Variants in DAB1 observed in about 807,000 individuals in gnomAD.
DAB1 encodes disabled homolog 1.
In DAB1, 15 loss-of-function variants were observed where a neutral mutation model predicts 64.6. That is an observed-to-expected ratio of 0.23 (90% CI 0.16 to 0.36). The LOEUF (loss-of-function observed/expected upper bound fraction) is 0.36, where lower values mean the gene tolerates loss of function less well. DAB1 is among the 10% of genes least tolerant of loss of function. The probability of loss-of-function intolerance (pLI) is 1.00; values close to 1 mark genes in which losing one functional copy is unlikely to be tolerated. For synonymous variants in DAB1, 235 were observed against 251.9 expected (o/e 0.93, Z 0.64); for missense variants, 596 against 706.7 (o/e 0.84, Z 1.78).
At chr1:57,470,875 T>C (rs1230823495) in intron 7 of DAB1, among the ~76,000 whole-genome samples, 2 of 152,158 alleles carry the variant, frequency 1.3e-5, no homozygotes, top group Non-Finnish European at 2.9e-5. Context: ...ACAAGGCAAA[T>C]TGTAGCTCAC....
At chr1:57,214,059 T>C (rs752326930) in intron 2 of DAB1, among the ~76,000 whole-genome samples, 4 of 152,168 alleles carry the variant, frequency 2.6e-5, no homozygotes, top group Non-Finnish European at 5.9e-5. Flanking sequence ...TCTTAGTCCT[T>C]TTTGTGCTGC....
At chr1:58,040,226 G>A (rs1005013509) in intron 5 of DAB1, among the ~76,000 whole-genome samples, 3 of 152,168 alleles carry the variant, frequency 2.0e-5, no homozygotes, top group Admixed American at 6.5e-5. Context: ...TGTCAGGAAA[G>A]CAAAAGTTAA....
At chr1:57,125,506 A>G (rs867680485) in intron 4 of DAB1, among the ~76,000 whole-genome samples, 1 of 152,196 alleles carries the variant, frequency 6.6e-6, no homozygotes. Flanking sequence ...TCTGAAAAAA[A>G]TACATATGGC....
intron 2 of DAB1, among the ~76,000 whole-genome samples, chr1:57,221,176 T>G (rs1666835953): frequency 6.7e-6 from 1 of 149,780 alleles, no homozygotes; most frequent in South Asian, 2.1e-4. Flanking sequence ...CTGTTCTCAC[T>G]CATAGGTGGG....
intron 4 of DAB1, among the ~76,000 whole-genome samples, chr1:57,121,760 T>C (rs758872550): frequency 2.0e-5 from 3 of 151,992 alleles, no homozygotes; most frequent in Non-Finnish European, 4.4e-5. Context: ...GGGGTCCAGT[T>C]TCAGTTTTCT....
intron 4 of DAB1, chr1:58,228,757 C>T: frequency 1.1e-6 from 1 of 930,728 alleles, no homozygotes; most frequent in Non-Finnish European, 1.7e-6. Flanking sequence ...ACGTTGATGG[C>T]ATAGGTGGTT....
intron 5 of DAB1, among the ~76,000 whole-genome samples, chr1:58,142,311 G>A (rs1654332777): frequency 6.6e-6 from 1 of 152,226 alleles, no homozygotes; most frequent in African/African-American, 2.4e-5. Context: ...TGGTGTTTCA[G>A]AAACAGTTTT....
intron 4 of DAB1, among the ~76,000 whole-genome samples, chr1:58,233,117 T>C (rs1030803711): frequency 3.9e-5 from 6 of 152,198 alleles, no homozygotes; most frequent in Non-Finnish European, 5.9e-5. Flanking sequence ...CTTATATGCT[T>C]GCTCTTTAAT....
At chr1:57,400,521 G>T (rs1159632944) in intron 1 of DAB1, among the ~76,000 whole-genome samples, 1 of 150,192 alleles carries the variant, frequency 6.7e-6, no homozygotes, top group Non-Finnish European at 1.5e-5. Flanking sequence ...TATGAGGCAA[G>T]ATTATTCAAG....
intron 3 of DAB1, among the ~76,000 whole-genome samples, chr1:58,397,059 C>T (rs1444303323): frequency 1.2e-4 from 18 of 144,152 alleles, no homozygotes; most frequent in Admixed American, 1.2e-3. Flanking sequence ...AGCGAGACTC[C>T]GTCTCAAAAA....
At chr1:57,993,628 A>G (rs1646381041) in intron 5 of DAB1, among the ~76,000 whole-genome samples, 1 of 152,186 alleles carries the variant, frequency 6.6e-6, no homozygotes, top group Non-Finnish European at 1.5e-5. Flanking sequence ...TCAAAACGCT[A>G]AAGAAATGAC....
At chr1:57,153,214 T>C (rs986045108) in intron 2 of DAB1, among the ~76,000 whole-genome samples, 2 of 152,052 alleles carry the variant, frequency 1.3e-5, no homozygotes, top group African/African-American at 4.8e-5. Flanking sequence ...TTAGTGGAGA[T>C]GGTGTTTCAC....
chr1:57,952,576 G>A (rs1645302572), intron 5 of DAB1, among the ~76,000 whole-genome samples: 1 of 152,144 alleles, frequency 6.6e-6, no homozygotes, highest in African/African-American at 2.4e-5. Flanking sequence ...AATAGGTAAA[G>A]GCAAACAGAG....
At chr1:58,377,196 T>G (rs1464058067) in intron 3 of DAB1, among the ~76,000 whole-genome samples, 1 of 151,252 alleles carries the variant, frequency 6.6e-6, no homozygotes, top group African/African-American at 2.4e-5. Context: ...ATTAATCTTG[T>G]TATATGTGAA....
intron 2 of DAB1, among the ~76,000 whole-genome samples, chr1:57,217,936 A>T (rs540656399): frequency 1.3e-5 from 2 of 152,234 alleles, no homozygotes; most frequent in East Asian, 3.9e-4. Flanking sequence ...CCAAACAAGG[A>T]TACAGGTGTC....
chr1:58,432,390 TG>T (rs1644888946), intron 3 of DAB1, among the ~76,000 whole-genome samples: 1 of 152,234 alleles, frequency 6.6e-6, no homozygotes, highest in Admixed American at 6.5e-5. Context: ...AAAATTTTTT[TG>T]ACTCATGATT....
intron 6 of DAB1, among the ~76,000 whole-genome samples, chr1:57,727,726 C>CCTTCCTTCCTTCCTTCCTTCCT (rs1647239817): frequency 7.3e-6 from 1 of 137,022 alleles, no homozygotes; most frequent in Non-Finnish European, 1.6e-5. Flanking sequence ...CCTTCCTTCT[C>CCTTCCTTCCTTCCTTCCTTCCT]TCCTTCCTTC....
At chr1:58,208,338 G>C (rs1658383771) in intron 4 of DAB1, among the ~76,000 whole-genome samples, 1 of 152,094 alleles carries the variant, frequency 6.6e-6, no homozygotes, top group Non-Finnish European at 1.5e-5. Flanking sequence ...GGTGGTGTCT[G>C]GTTACATGGA....
Position 58,441,527 on chromosome 1 carries a change from G to C in DAB1, n.257+64533C>G, listed in dbSNP as rs186988470. On this transcript the variant is annotated intron_variant and non_coding_transcript_variant, in intron 3 of 20. Transcript: ENST00000485760. Reference sequence around the variant, plus strand: ...GTTGGGAAGAGTGATTTTGGGAATTGGGGCTCTTTAGTTCAAGTCCTAACT... The same window carrying C: ...GTTGGGAAGAGTGATTTTGGGAATTCGGGCTCTTTAGTTCAAGTCCTAACT... 3.3e-3 allele frequency among the ~76,000 whole-genome samples: 506 copies of C among 152,260 alleles called. 1 individual carries two copies. The highest frequency in any genetic ancestry group is 5.9e-3 in the Non-Finnish European group (402 of 68,018).
Sources: allele counts gnomAD v4.1 joint callset (sites outside exome capture counted in the v4.1 genomes callset), GRCh38; gene constraint gnomAD v4.1.1; transcripts MANE v1.5; gene names NCBI Gene and HGNC (gene_info 2026-07-23, HGNC 2026-07-21).